VKORC1: variants seen among roughly 807,000 people sequenced by gnomAD.
The protein encoded by VKORC1 is phylloquinone epoxide reductase.
VKORC1 carries 12 observed loss-of-function variants against 14.8 expected under a neutral mutation model. That is an observed-to-expected ratio of 0.81 (90% CI 0.52 to 1.31). VKORC1 has a LOEUF of 1.31. VKORC1 is among the 50% of genes most tolerant of loss of function. The pLI is 0.00. For missense variants in VKORC1, 223 were observed against 215.3 expected, an observed-to-expected ratio of 1.04 and a Z score of -0.22; for synonymous variants, 94 against 92.5, an observed-to-expected ratio of 1.02 and a Z score of -0.09.
At chr16:31,093,964 A>G (rs1034227805) in intron 1 of VKORC1, 3 of 488,944 alleles carry the variant, frequency 6.1e-6, no homozygotes, top group Non-Finnish European at 1.1e-5. Flanking sequence ...TCGGCCTCCC[A>G]AAGTGCTGGG....
Position 31,093,300 on chromosome 16 carries a change from G to A in VKORC1, c.283+12C>T. On this transcript the variant is annotated intron_variant, in intron 2 of 2. Coordinates refer to ENST00000394975, the MANE Select transcript of VKORC1 (RefSeq NM_024006.6). Reference sequence around the variant, plus strand: ...GGGGCGGGGCGGGCAGGGAGGGGGCGGAGCCACTCACCTAACAATAGCTGT... The same window carrying A: ...GGGGCGGGGCGGGCAGGGAGGGGGCAGAGCCACTCACCTAACAATAGCTGT... 6.2e-7 allele frequency: 1 copy of A among 1,611,322 alleles called. No homozygotes were observed. The highest frequency in any genetic ancestry group is 8.5e-7 in the Non-Finnish European group (1 of 1,179,716).
Position 31,091,170 on chromosome 16 carries a change from C to A in VKORC1, c.456G>T (p.Lys152Asn), listed in dbSNP as rs760409299. 6 of 1,613,906 alleles carry A rather than the reference C, an allele frequency of 3.7e-6. No homozygotes were observed. The highest frequency in any genetic ancestry group is 5.1e-6 in the Non-Finnish European group (6 of 1,180,038). The change falls in exon 3 of 3, where the codon AAG becomes AAT. Residue 152 changes from lysine (K) to asparagine (N), a missense_variant. Transcript: ENST00000394975. ...TAGCCTTGCCCTGGGGTTCTTGGAC[C>A]TTCCGGAAACTGAGCCACATCAGGC... Reference protein sequence around the residue: ...NVSLMWLSFRKVQEPQGKAKR... With the variant: ...NVSLMWLSFRNVQEPQGKAKR...
Position 31,091,087 on chromosome 16 carries a change from C to T in VKORC1, c.*47G>A, listed in dbSNP as rs1331004116. 3 of 1,608,216 alleles carry T rather than the reference C, an allele frequency of 1.9e-6. No homozygotes were observed. Among genetic ancestry groups the T allele is most frequent in the Admixed American group, 3.4e-5 (2 of 59,286 alleles). On this transcript the variant is annotated 3_prime_UTR_variant, in exon 3 of 3. Coordinates refer to ENST00000394975, the MANE Select transcript of VKORC1 (RefSeq NM_024006.6). ...GATATGCCCCCTTAGGCAAGGCTCA[C>T]ATGCCAAAGCAAAGCAGATGAGGTC... is the stretch of plus-strand genomic sequence containing the variant.
At chr16:31,092,406 G>A (rs939291164) in intron 2 of VKORC1, among the ~76,000 whole-genome samples, 1 of 151,936 alleles carries the variant, frequency 6.6e-6, no homozygotes, top group African/African-American at 2.4e-5. Context: ...TGCCCAGGGA[G>A]GGAAAGTTCT....
chr16:31,093,037 C>A (rs1480644661), intron 2 of VKORC1, among the ~76,000 whole-genome samples: 2 of 151,770 alleles, frequency 1.3e-5, no homozygotes, highest in African/African-American at 4.8e-5. Context: ...TCACTTTGGG[C>A]AACAGAGCCA....
rs2057286948 is a variant in VKORC1, at chr16:31,091,215, G to A, written c.411C>T (p.Thr137=). Residue 137 remains threonine (T), a synonymous_variant, in exon 3 of 3, where the codon ACC becomes ACT. Transcript: ENST00000394975. ...VLYDFCIVCI[T]TYAINVSLMW... ...TCAGGCTCACGTTGATAGCATAGGT[G>A]GTGATACAAACAATGCAGAAATCAT... The A allele has an allele frequency of 6.2e-7, 1 of 1,614,072 alleles. No individual in the cohort carries two copies. The highest frequency in any genetic ancestry group is 1.7e-5 in the Admixed American group (1 of 60,012).
At position 31,093,346 on chromosome 16, in the gene VKORC1, G is replaced by A. The variant is rs754924004; in HGVS notation, c.249C>T (p.Phe83=). The A allele has an allele frequency of 6.2e-7, 1 of 1,614,076 alleles. No homozygotes were observed. The highest frequency in any genetic ancestry group is 8.5e-7 in the Non-Finnish European group (1 of 1,180,022). Residue 83 remains phenylalanine (F), a synonymous_variant, in exon 2 of 3, where the codon TTC becomes TTT. Coordinates refer to ENST00000394975, the MANE Select transcript of VKORC1 (RefSeq NM_024006.6). The stretch of plus-strand genomic sequence containing the variant: ...GCTGTAGTGTGTAGAAGATGCAACC[G>A]AATATGCTGTTGGATTGATTGAGGA... ...DSILNQSNSI[F]GCIFYTLQLL... is the part of the protein sequence containing the mutation.
At chr16:31,094,381 G>C (rs749982166) in intron 1 of VKORC1, 176 bp downstream of exon 1, 53 of 1,612,758 alleles carry the variant, frequency 3.3e-5, no homozygotes, top group Non-Finnish European at 4.3e-5. Context: ...CCCTTGCCTC[G>C]CACTCTTATT....
intron 1 of VKORC1, chr16:31,093,917 G>A: frequency 2.8e-6 from 1 of 361,684 alleles, no homozygotes; most frequent in Non-Finnish European, 5.1e-6. Flanking sequence ...ATGTTGGCCA[G>A]GCTGGTCAAC....
At chr16:31,091,777 C>CTG (rs2057291989) in intron 2 of VKORC1, among the ~76,000 whole-genome samples, 1 of 152,088 alleles carries the variant, frequency 6.6e-6, no homozygotes, top group African/African-American at 2.4e-5. Context: ...ATCCCAGCTG[C>CTG]TGGGGAGGCT....
chr16:31,092,927 A>G, intron 2 of VKORC1: 1 of 475,628 alleles, frequency 2.1e-6, no homozygotes. Flanking sequence ...CTGTGATTCC[A>G]GCTGCTTGGG....
At chr16:31,094,250 G>T (rs1227008453) in intron 1 of VKORC1, 1 of 1,611,184 alleles carries the variant, frequency 6.2e-7, no homozygotes, top group South Asian at 1.1e-5. Flanking sequence ...CGCCGTCCTT[G>T]AGACCATCGT....
At chr16:31,092,860 A>C (rs2057298330) in intron 2 of VKORC1, 1 of 948,200 alleles carries the variant, frequency 1.1e-6, no homozygotes, top group Admixed American at 3.3e-5. Flanking sequence ...ATGGCGAGAC[A>C]CCATCTCTAC....
chr16:31,094,466 C>T, intron 1 of VKORC1, 91 bp downstream of exon 1: 1 of 1,612,904 alleles, frequency 6.2e-7, no homozygotes, highest in Non-Finnish European at 8.5e-7. Flanking sequence ...GTGTCCGTTC[C>T]CCGGGCACAC....
intron 2 of VKORC1, among the ~76,000 whole-genome samples, chr16:31,093,036 G>A (rs1029909476): frequency 6.6e-6 from 1 of 151,678 alleles, no homozygotes; most frequent in Non-Finnish European, 1.5e-5. Context: ...CTCACTTTGG[G>A]CAACAGAGCC....
intron 2 of VKORC1, chr16:31,092,876 AAAAAC>A (rs1375444400): frequency 3.2e-4 from 255 of 792,312 alleles, no homozygotes; most frequent in Non-Finnish European, 4.2e-4. Flanking sequence ...TCTACCAAAA[AAAAAC>A]AAAAACAAAA....
At position 31,094,689 on chromosome 16, in the gene VKORC1, G is replaced by C. The variant is rs1303702908; in HGVS notation, c.41C>G (p.Ala14Gly). The change falls in exon 1 of 3, where the codon GCT becomes GGT. Residue 14 changes from alanine to glycine, a missense_variant. Transcript: ENST00000394975. The stretch of plus-strand genomic sequence containing the variant: ...GAGCACTAAGCCCGTCAGGCAAAGA[G>C]CGAGCCGCACCCAGCCAGGGCTCCC... Reference protein sequence around the residue: ...TWGSPGWVRLALCLTGLVLSL... With the variant: ...TWGSPGWVRLGLCLTGLVLSL... 2 of 1,608,250 alleles carry C rather than the reference G, an allele frequency of 1.2e-6. No individual in the cohort carries two copies. Among genetic ancestry groups the C allele is most frequent in the Non-Finnish European group, 1.7e-6 (2 of 1,178,958 alleles).
chr16:31,093,220 T>C, intron 2 of VKORC1, 92 bp downstream of exon 2: 1 of 1,325,348 alleles, frequency 7.5e-7, no homozygotes, highest in Non-Finnish European at 1.0e-6. Flanking sequence ...GTCAGCTGTG[T>C]GGATCACCAA....
At chr16:31,092,528 C>G (rs1283676911) in intron 2 of VKORC1, among the ~76,000 whole-genome samples, 1 of 152,054 alleles carries the variant, frequency 6.6e-6, no homozygotes, top group Non-Finnish European at 1.5e-5. Context: ...AAGGGTGACT[C>G]AAAGGGAGCG....
Sources: gnomAD v4.1 joint callset for allele counts (sites outside exome capture counted in the v4.1 genomes callset) on GRCh38, gnomAD v4.1.1 for gene constraint, MANE v1.5 for transcripts, NCBI Gene and HGNC (gene_info 2026-07-23, HGNC 2026-07-21) for gene names.